Variants in ACKR4 observed in about 807,000 individuals in gnomAD.
The protein encoded by ACKR4 is C-C CKR-11.
In ACKR4, 2 loss-of-function variants were observed where a neutral mutation model predicts 8.5. The observed-to-expected ratio is 0.23, with a 90% CI of 0.10 to 0.74. The LOEUF is 0.74. Among genes scored for constraint, ACKR4 ranks in the 30% least tolerant of loss-of-function variants. ACKR4 has a pLI of 0.75. For synonymous variants in ACKR4, 67 were observed against 145.0 expected (o/e 0.46, Z 3.86); for missense variants, 167 against 422.1 (o/e 0.40, Z 5.30).
chr3:132,597,419 A>C (rs1161866967), intron 1 of ACKR4, 96 bp downstream of exon 1: 1 of 151,860 alleles, frequency 6.6e-6, no homozygotes, highest in Non-Finnish European at 1.5e-5. Context: ...CTTGATGCAT[A>C]AAAGTTTAAA....
chr3:132,600,012 G>T (rs1357281576), intron 1 of ACKR4, among the ~76,000 whole-genome samples: 3 of 152,042 alleles, frequency 2.0e-5, no homozygotes, highest in Non-Finnish European at 2.9e-5. Context: ...TGTATGTAAA[G>T]ATTATAACAC....
chr3:132,600,680 C>A lies in ACKR4; in HGVS notation c.283C>A (p.Pro95Thr). ...VADLLLLFTL[P>T]FWAVNAVHGW... The stretch of plus-strand genomic sequence containing the variant: ...AGATTTACTCCTTCTATTCACTCTG[C>A]CTTTTTGGGCTGTTAATGCAGTTCA... Residue 95 changes from proline to threonine, a missense_variant, in exon 2 of 2, where the codon CCT becomes ACT. By Grantham distance (38) the Pro-to-Thr change is conservative. Coordinates refer to ENST00000249887, the MANE Select transcript of ACKR4 (RefSeq NM_016557.4). The A allele has an allele frequency of 6.2e-7, 1 of 1,613,780 alleles. No homozygotes were observed. The highest frequency in any genetic ancestry group is 8.5e-7 in the Non-Finnish European group (1 of 1,179,804).
chr3:132,601,031 C>G lies in ACKR4; in HGVS notation c.634C>G (p.Pro212Ala). The change falls in exon 2 of 2, where the codon CCC (proline) becomes GCC (alanine). Residue 212 changes from proline (P) to alanine (A), a missense_variant. Transcript: ENST00000249887. The part of the protein sequence containing the change: ...MLEICIGFVV[P>A]FLIMGVCYFI... ...AGAGATCTGCATTGGATTTGTAGTA[C>G]CCTTTCTTATTATGGGGGTGTGCTA... is the stretch of plus-strand genomic sequence containing the variant. The G allele has an allele frequency of 6.2e-6, 10 of 1,613,652 alleles. No homozygotes were observed. The highest frequency in any genetic ancestry group is 8.5e-6 in the Non-Finnish European group (10 of 1,179,644).
At chr3:132,598,295 G>A (rs553811061) in intron 1 of ACKR4, among the ~76,000 whole-genome samples, 5 of 152,180 alleles carry the variant, frequency 3.3e-5, no homozygotes, top group East Asian at 1.9e-4. Context: ...TTAATACTAC[G>A]GGGTGCTAGT....
chr3:132,598,249 A>G (rs1418997857), intron 1 of ACKR4, among the ~76,000 whole-genome samples: 1 of 152,250 alleles, frequency 6.6e-6, no homozygotes, highest in Non-Finnish European at 1.5e-5. Context: ...ATTATTTTAT[A>G]CATTCCAAAA....
Position 132,600,295 on chromosome 3 carries a change from T to C in ACKR4, c.-9-94T>C, listed in dbSNP as rs565084078. 9 of 1,063,978 alleles carry C rather than the reference T, an allele frequency of 8.5e-6. No individual in the cohort carries two copies. In the Admixed American group the frequency reaches 8.6e-5, roughly 10 times the overall value. 65.9% of individuals were successfully genotyped at this position (1,063,978 alleles called of 1,614,324 possible). On this transcript the variant is annotated intron_variant, in intron 1 of 1. Coordinates refer to ENST00000249887, the MANE Select transcript of ACKR4 (RefSeq NM_016557.4). ...TCACATATGTTACAGCAACAGGCTATACTCTAGGGAAAGAACAAAACAGCT... is the reference window on the plus strand; with the variant it reads ...TCACATATGTTACAGCAACAGGCTACACTCTAGGGAAAGAACAAAACAGCT...
chr3:132,598,649 T>G (rs1286587672), intron 1 of ACKR4, among the ~76,000 whole-genome samples: 1 of 152,142 alleles, frequency 6.6e-6, no homozygotes, highest in Non-Finnish European at 1.5e-5. Context: ...AATTGGCCCT[T>G]CCAGGGAAGG....
chr3:132,600,189 G>T (rs1330233425), intron 1 of ACKR4, among the ~76,000 whole-genome samples, 200 bp from the exon 2 acceptor site: 2 of 152,156 alleles, frequency 1.3e-5, no homozygotes, highest in African/African-American at 4.8e-5. Context: ...AATTGTACAA[G>T]CAAAGTTTGA....
At chr3:132,599,589 A>C (rs1423963194) in intron 1 of ACKR4, among the ~76,000 whole-genome samples, 2 of 152,166 alleles carry the variant, frequency 1.3e-5, no homozygotes. Flanking sequence ...AATTGTGCAA[A>C]TGTGTGGAAG....
At chr3:132,598,759 A>G (rs1938426425) in intron 1 of ACKR4, among the ~76,000 whole-genome samples, 1 of 152,206 alleles carries the variant, frequency 6.6e-6, no homozygotes, top group Non-Finnish European at 1.5e-5. Context: ...AATTAGTCCT[A>G]TCACTGTCTC....
chr3:132,599,378 G>A (rs912384378), intron 1 of ACKR4, among the ~76,000 whole-genome samples: 6 of 151,854 alleles, frequency 4.0e-5, no homozygotes, highest in Non-Finnish European at 5.9e-5. Context: ...ATGGTGGTGT[G>A]TACCTGTAAT....
chr3:132,598,617 G>A (rs1400127039), intron 1 of ACKR4, among the ~76,000 whole-genome samples: 1 of 152,192 alleles, frequency 6.6e-6, no homozygotes, highest in East Asian at 1.9e-4. Flanking sequence ...TGGGGAGGTC[G>A]CATCCGCGTT....
intron 1 of ACKR4, among the ~76,000 whole-genome samples, chr3:132,599,289 C>T (rs561081052): frequency 2.6e-5 from 4 of 152,120 alleles, no homozygotes; most frequent in East Asian, 1.9e-4. Context: ...AGGTGGATCA[C>T]GAGGTCAGGA....
chr3:132,599,824 T>C (rs1276318288), intron 1 of ACKR4, among the ~76,000 whole-genome samples: 1 of 152,146 alleles, frequency 6.6e-6, no homozygotes, highest in Non-Finnish European at 1.5e-5. Context: ...TCTTGTTTTA[T>C]AAAAGGCAAC....
intron 1 of ACKR4, among the ~76,000 whole-genome samples, chr3:132,599,432 G>A (rs1371886103): frequency 3.9e-5 from 6 of 152,010 alleles, no homozygotes. Context: ...GCATGAACCC[G>A]GGAGGCGGAG....
rs767597534 is a variant in ACKR4, at chr3:132,601,093, C to T, written c.696C>T (p.Asn232=). 1.2e-6 allele frequency: 2 copies of T among 1,613,894 alleles called. No individual in the cohort carries two copies. Among genetic ancestry groups the T allele is most frequent in the Non-Finnish European group, 1.7e-6 (2 of 1,179,846 alleles). The change falls in exon 2 of 2, where the codon AAC becomes AAT. Residue 232 remains asparagine (N), a synonymous_variant. Coordinates refer to ENST00000249887, the MANE Select transcript of ACKR4 (RefSeq NM_016557.4). ...ITARTLMKMP[N]IKISRPLKVL... ...CAAGGACACTCATGAAGATGCCAAA[C>T]ATTAAAATATCTCGACCCCTAAAAG...
At chr3:132,598,826 G>C (rs538826757) in intron 1 of ACKR4, among the ~76,000 whole-genome samples, 1 of 152,236 alleles carries the variant, frequency 6.6e-6, no homozygotes, top group Non-Finnish European at 1.5e-5. Context: ...ACCACATTAT[G>C]AAGGGAGCCT....
rs563444565 is a variant in ACKR4 at position 132,601,095 on chromosome 3, T to G, written c.698T>G (p.Ile233Ser). 1 of 1,613,874 alleles carries G rather than the reference T, an allele frequency of 6.2e-7. No individual in the cohort carries two copies. Among genetic ancestry groups the G allele is most frequent in the African/African-American group, 1.3e-5 (1 of 75,004 alleles). ...TARTLMKMPN[I>S]KISRPLKVLL... ...AGGACACTCATGAAGATGCCAAACA[T>G]TAAAATATCTCGACCCCTAAAAGTT... is the stretch of plus-strand genomic sequence containing the variant. The change falls in exon 2 of 2, where the codon ATT becomes AGT. Residue 233 changes from isoleucine to serine, a missense_variant. Around this residue, in one of 2 missense-constraint regions of ACKR4, gnomAD observed 149 missense variants for 281.9 expected, o/e 0.53. Transcript: ENST00000249887.
chr3:132,599,968 T>G (rs1423276486), intron 1 of ACKR4, among the ~76,000 whole-genome samples: 1 of 152,188 alleles, frequency 6.6e-6, no homozygotes, highest in Non-Finnish European at 1.5e-5. Context: ...TTATTCAATT[T>G]GTTGTAGATA....
Sources: gnomAD v4.1 joint callset for allele counts (sites outside exome capture counted in the v4.1 genomes callset) on GRCh38, gnomAD v4.1.1 for gene constraint, gnomAD v4.1.1 regional missense constraint, MANE v1.5 for transcripts, NCBI Gene and HGNC (gene_info 2026-07-23, HGNC 2026-07-21) for gene names.